The following DHRSX variants were observed in gnomAD, a reference collection of about 807,000 sequenced individuals.
The protein encoded by DHRSX is dehydrogenase/reductase X-linked, also known as polyprenol dehydrogenase.
A neutral mutation model predicts 34.0 loss-of-function variants in DHRSX; 31 were observed. That is an observed-to-expected ratio of 0.91 (90% CI 0.69 to 1.23). DHRSX has a LOEUF of 1.23. DHRSX is among the 50% of genes most tolerant of loss of function. The probability of loss-of-function intolerance (pLI) is 0.00; values close to 1 mark genes in which losing one functional copy is unlikely to be tolerated. For missense variants in DHRSX, 414 were observed against 428.1 expected (o/e 0.97, Z 0.29); for synonymous variants, 201 against 183.8 (o/e 1.09, Z -0.76).
At chrX:2,313,314 A>G (rs1251930278) in intron 3 of DHRSX, among the ~76,000 whole-genome samples, 1 of 151,314 alleles carries the variant, frequency 6.6e-6, no homozygotes, top group Non-Finnish European at 1.5e-5. Flanking sequence ...GGCCCAAGAT[A>G]TCCCTTTTTA....
At chrX:2,323,698 G>A (rs2042340683) in intron 3 of DHRSX, among the ~76,000 whole-genome samples, 1 of 152,172 alleles carries the variant, frequency 6.6e-6, no homozygotes, top group African/African-American at 2.4e-5. Flanking sequence ...GAGCCCGGGA[G>A]GCTGAAGCTG....
intron 3 of DHRSX, among the ~76,000 whole-genome samples, chrX:2,384,516 C>A (rs1296342749): frequency 5.9e-5 from 9 of 152,004 alleles, no homozygotes; most frequent in Admixed American, 5.9e-4. Flanking sequence ...AGAAAGCAAA[C>A]CCAGAGGGTG....
At chrX:2,483,908 G>A (rs1165485239) in intron 1 of DHRSX, among the ~76,000 whole-genome samples, 1 of 151,940 alleles carries the variant, frequency 6.6e-6, no homozygotes, top group Non-Finnish European at 1.5e-5. Context: ...TTAATGGTTG[G>A]GGGAAAAAAA....
intron 3 of DHRSX, among the ~76,000 whole-genome samples, chrX:2,397,255 C>T (rs2043423517): frequency 6.6e-6 from 1 of 152,148 alleles, no homozygotes; most frequent in Non-Finnish European, 1.5e-5. Flanking sequence ...CTGCCTCTGC[C>T]TCCCGAGTAG....
At chrX:2,443,576 G>T (rs764246747) in intron 1 of DHRSX, among the ~76,000 whole-genome samples, 28 of 152,248 alleles carry the variant, frequency 1.8e-4, no homozygotes, top group African/African-American at 6.7e-4. Context: ...AGCAATGACA[G>T]CATTTGGGCT....
Position 2,220,992 on chromosome X carries a change from G to A in DHRSX, c.*49C>T. ...AGTCTTCACAGACCCACAAGCTATT[G>A]GCAGGTGCAATGTGTTTCTTGGGGC... On this transcript the variant is annotated 3_prime_UTR_variant, in exon 7 of 7. Coordinates refer to ENST00000334651, the MANE Select transcript of DHRSX (RefSeq NM_145177.3). 6.3e-7 allele frequency: 1 copy of A among 1,575,352 alleles called. No individual in the cohort carries two copies. The highest frequency in any genetic ancestry group is 8.7e-7 in the Non-Finnish European group (1 of 1,152,556).
chrX:2,485,749 G>GAGAA (rs767813888), intron 1 of DHRSX, among the ~76,000 whole-genome samples: 43 of 56,746 alleles, frequency 7.6e-4, no homozygotes, highest in Middle Eastern at 0.013. Context: ...AGAGAAGGGA[G>GAGAA]GGAAGGAAGG....
At chrX:2,285,931 A>G (rs2041799792) in intron 4 of DHRSX, among the ~76,000 whole-genome samples, 1 of 152,148 alleles carries the variant, frequency 6.6e-6, no homozygotes. Context: ...TTGACTGTAT[A>G]GAATCCAGCC....
At position 2,480,718 on chromosome X, in the gene DHRSX, CTG is replaced by C. The variant is rs1313277533; in HGVS notation, c.109+20097_109+20098del. Among the ~76,000 whole-genome samples the C allele has an allele frequency of 3.9e-5, 6 of 151,992 alleles. 1 individual carries two copies. The highest frequency in any genetic ancestry group is 7.2e-5 in the African/African-American group (3 of 41,386). ...CCTGTAGTCCCAGCTACCTGGGAGG[CTG>C]TGGTGGGAGGGTCACCTGAGCCAGG... On this transcript the variant is annotated intron_variant, in intron 1 of 6. Coordinates refer to ENST00000334651, the MANE Select transcript of DHRSX (RefSeq NM_145177.3).
chrX:2,255,009 G>A (rs748391771), intron 5 of DHRSX, among the ~76,000 whole-genome samples: 58 of 146,348 alleles, frequency 4.0e-4, no homozygotes, highest in African/African-American at 1.5e-3. Flanking sequence ...GCCCAGGCCG[G>A]GCTGGAGTGC....
chrX:2,444,792 G>A (rs1270706814), intron 1 of DHRSX, among the ~76,000 whole-genome samples: 1 of 151,660 alleles, frequency 6.6e-6, no homozygotes, highest in East Asian at 1.9e-4. Flanking sequence ...CCATGATCAT[G>A]CCACTGCACT....
At chrX:2,472,913 T>A (rs1298899908) in intron 1 of DHRSX, among the ~76,000 whole-genome samples, 1 of 151,910 alleles carries the variant, frequency 6.6e-6, no homozygotes, top group Admixed American at 6.6e-5. Context: ...CCAACATGAG[T>A]GTGAGAAGGA....
intron 5 of DHRSX, among the ~76,000 whole-genome samples, chrX:2,245,602 A>G (rs1461377509): frequency 6.7e-6 from 1 of 149,202 alleles, no homozygotes. Flanking sequence ...GAGCCACCGC[A>G]CCCACCCCAA....
chrX:2,241,481 C>T (rs901152799), intron 6 of DHRSX, among the ~76,000 whole-genome samples: 12 of 152,086 alleles, frequency 7.9e-5, no homozygotes, highest in African/African-American at 2.7e-4. Context: ...GACCAGTGTC[C>T]CCTTCCCTGA....
intron 3 of DHRSX, among the ~76,000 whole-genome samples, chrX:2,303,900 AATGGATGGATGG>A (rs1244047425): frequency 2.3e-4 from 14 of 60,894 alleles, no homozygotes; most frequent in African/African-American, 6.2e-4. Context: ...TGGATGGATA[AATGGATGGATGG>A]ATGGATGGAT....
At chrX:2,423,102 C>T (rs189050683) in intron 2 of DHRSX, among the ~76,000 whole-genome samples, 2 of 151,656 alleles carry the variant, frequency 1.3e-5, no homozygotes, top group Admixed American at 6.6e-5. Flanking sequence ...CACGCCCAGC[C>T]GCCAAAATAA....
intron 1 of DHRSX, chrX:2,490,137 C>T: frequency 6.2e-7 from 1 of 1,613,940 alleles, no homozygotes; most frequent in Non-Finnish European, 8.5e-7. Flanking sequence ...GTGGAGATGC[C>T]ACACCAGGTG....
intron 3 of DHRSX, among the ~76,000 whole-genome samples, chrX:2,346,629 ATGT>A (rs2042716245): frequency 7.0e-6 from 1 of 143,628 alleles, no homozygotes; most frequent in Non-Finnish European, 1.5e-5. Flanking sequence ...GTTTGTAGGG[ATGT>A]TGTATGAGTC....
At chrX:2,314,216 AGG>A (rs2124521646) in intron 3 of DHRSX, among the ~76,000 whole-genome samples, 1 of 12,900 alleles carries the variant, frequency 7.8e-5, no homozygotes, top group Non-Finnish European at 1.5e-4. Flanking sequence ...GAGGGAGGGA[AGG>A]AGGGAAGGAA....
Sources: gnomAD v4.1 joint callset for allele counts (sites outside exome capture counted in the v4.1 genomes callset) on GRCh38, gnomAD v4.1.1 for gene constraint, MANE v1.5 for transcripts, NCBI Gene and HGNC (gene_info 2026-07-23, HGNC 2026-07-21) for gene names.